Variants in PTPRJ observed in about 807,000 individuals in gnomAD.
PTPRJ encodes the protein receptor-type tyrosine-protein phosphatase eta.
PTPRJ carries 129 observed loss-of-function variants against 141.3 expected under a neutral mutation model. That is an observed-to-expected ratio of 0.91 (90% CI 0.79 to 1.06). The LOEUF is 1.06. Ranked by LOEUF, PTPRJ falls within the 50% of genes least tolerant of loss-of-function variation. PTPRJ has a pLI of 0.00. For missense variants in PTPRJ, 1,601 were observed against 1,679.7 expected, an observed-to-expected ratio of 0.95 and a Z score of 0.82; for synonymous variants, 610 against 640.5, an observed-to-expected ratio of 0.95 and a Z score of 0.72.
At chr11:48,124,015 C>G in intron 5 of PTPRJ, 145 bp downstream of exon 5, 1 of 933,698 alleles carries the variant, frequency 1.1e-6, no homozygotes, top group East Asian at 2.6e-5. Flanking sequence ...TTTGATCCCC[C>G]ACCTGCATGA....
In PTPRJ at chr11:48,121,182, C is replaced by T; in HGVS notation, c.532C>T (p.Pro178Ser). The T allele has an allele frequency of 6.2e-7, 1 of 1,614,064 alleles. No individual in the cohort carries two copies. Among genetic ancestry groups the T allele is most frequent in the Non-Finnish European group, 8.5e-7 (1 of 1,179,962 alleles). ...ATGGTGTAACATCACAGGCTTACGT[C>T]CAGCGACTTCATATGTATTCTCCAT... Reference protein sequence around the residue: ...QPWCNITGLRPATSYVFSITP... With the variant: ...QPWCNITGLRSATSYVFSITP... Residue 178 changes from proline (P) to serine (S), a missense_variant, in exon 4 of 25, where the codon CCA (proline) becomes TCA (serine). Transcript: ENST00000418331.
intron 11 of PTPRJ, 66 bp downstream of exon 11, chr11:48,139,842 T>A: frequency 6.5e-7 from 1 of 1,534,744 alleles, no homozygotes; most frequent in East Asian, 2.3e-5. Flanking sequence ...TGACCCACAG[T>A]GGGTCTGCAC....
At chr11:48,165,195 T>G (rs1022490337) in intron 24 of PTPRJ, among the ~76,000 whole-genome samples, 1 of 152,224 alleles carries the variant, frequency 6.6e-6, no homozygotes, top group African/African-American at 2.4e-5. Flanking sequence ...TCTGACCATC[T>G]TTAAAATAAG....
In PTPRJ at chr11:48,145,208, C is replaced by T. The variant is rs1464490492; in HGVS notation, c.2911+84C>T. On this transcript the variant is annotated intron_variant, in intron 14 of 24. Transcript: ENST00000418331. ...TAGAAGGCCAGCTGTGTACATGCCT[C>T]CCTCAGACCTTCAGGAGGGTTGGTG... 60 of 1,568,410 alleles carry T rather than the reference C, an allele frequency of 3.8e-5. 1 individual carries two copies. The Admixed American group carries it at 9.7e-4, about 25-fold the overall frequency.
At chr11:48,030,090 A>G (rs1422951520) in intron 1 of PTPRJ, among the ~76,000 whole-genome samples, 1 of 152,220 alleles carries the variant, frequency 6.6e-6, no homozygotes, top group Non-Finnish European at 1.5e-5. Flanking sequence ...AATGTAAAAC[A>G]GATTAATTTG....
At chr11:48,077,021 C>G (rs780537248) in intron 1 of PTPRJ, among the ~76,000 whole-genome samples, 3 of 152,138 alleles carry the variant, frequency 2.0e-5, no homozygotes, top group Non-Finnish European at 4.4e-5. Context: ...GCACGGGCCA[C>G]TATGCCCGGC....
At chr11:48,065,288 A>G (rs775249453) in intron 1 of PTPRJ, among the ~76,000 whole-genome samples, 1 of 152,046 alleles carries the variant, frequency 6.6e-6, no homozygotes, top group Non-Finnish European at 1.5e-5. Flanking sequence ...TGATGGGATT[A>G]CAGATGTGAG....
At chr11:48,053,113 A>G (rs866165129) in intron 1 of PTPRJ, among the ~76,000 whole-genome samples, 23 of 123,132 alleles carry the variant, frequency 1.9e-4, no homozygotes, top group African/African-American at 6.8e-4. Context: ...AATATATATA[A>G]AATATATTAT....
chr11:48,043,442 G>C (rs1854316343), intron 1 of PTPRJ, among the ~76,000 whole-genome samples: 1 of 152,094 alleles, frequency 6.6e-6, no homozygotes, highest in Non-Finnish European at 1.5e-5. Context: ...GAAGACCTAG[G>C]TAGAGCAAGA....
chr11:48,036,670 AT>A (rs1258551459), intron 1 of PTPRJ, among the ~76,000 whole-genome samples: 1 of 152,052 alleles, frequency 6.6e-6, no homozygotes, highest in Non-Finnish European at 1.5e-5. Context: ...CCTAGGAGAG[AT>A]TCCTAGAAAT....
At chr11:48,024,429 C>T (rs1853751570) in intron 1 of PTPRJ, among the ~76,000 whole-genome samples, 1 of 152,194 alleles carries the variant, frequency 6.6e-6, no homozygotes, top group Non-Finnish European at 1.5e-5. Context: ...AACTCCTGAC[C>T]TCAAGTGATC....
chr11:48,014,229 T>C (rs1854892605), intron 1 of PTPRJ, among the ~76,000 whole-genome samples: 1 of 152,172 alleles, frequency 6.6e-6, no homozygotes, highest in South Asian at 2.1e-4. Flanking sequence ...TCCTTCCTTC[T>C]GTGTGAGGAA....
chr11:48,092,436 T>A (rs929926308), intron 1 of PTPRJ, among the ~76,000 whole-genome samples: 1 of 151,944 alleles, frequency 6.6e-6, no homozygotes, highest in Admixed American at 6.6e-5. Flanking sequence ...AGTGTCTTTT[T>A]TCTTTTTTTT....
intron 1 of PTPRJ, among the ~76,000 whole-genome samples, chr11:48,071,473 C>T (rs902042718): frequency 4.0e-5 from 6 of 150,970 alleles, no homozygotes; most frequent in Admixed American, 2.6e-4. Context: ...CCTGCCACCA[C>T]GCCCGGCTAA....
chr11:48,111,096 G>A (rs949642240), intron 2 of PTPRJ, among the ~76,000 whole-genome samples: 16 of 151,930 alleles, frequency 1.1e-4, no homozygotes, highest in African/African-American at 3.9e-4. Flanking sequence ...GGCCAACATG[G>A]TGAAACACCA....
At position 48,084,996 on chromosome 11, in the gene PTPRJ, C is replaced by T. The variant is rs138868437; in HGVS notation, c.97-25062C>T. On this transcript the variant is annotated intron_variant, in intron 1 of 24. Coordinates refer to ENST00000418331, the MANE Select transcript of PTPRJ (RefSeq NM_002843.4). Reference sequence around the variant, plus strand: ...TATGAAAAGTTCACCGACACAGTTTCACATTCCACGATGCAGAGAAGTTTT... The same window carrying T: ...TATGAAAAGTTCACCGACACAGTTTTACATTCCACGATGCAGAGAAGTTTT... Among the ~76,000 whole-genome samples, 5 of 152,318 alleles carry T rather than the reference C, an allele frequency of 3.3e-5. No individual in the cohort carries two copies. The East Asian group carries it at 9.7e-4, about 29-fold the overall frequency.
chr11:48,148,897 T>C (rs1857413479), intron 15 of PTPRJ, among the ~76,000 whole-genome samples: 1 of 152,220 alleles, frequency 6.6e-6, no homozygotes, highest in South Asian at 2.1e-4. Flanking sequence ...TTCCTTAGGC[T>C]AAATTCCAAG....
chr11:48,064,173 G>C (rs1855015094), intron 1 of PTPRJ, among the ~76,000 whole-genome samples: 1 of 151,978 alleles, frequency 6.6e-6, no homozygotes. Flanking sequence ...CAAAGTACAC[G>C]GGCTCTTTTC....
At chr11:48,071,150 C>T (rs868657563) in intron 1 of PTPRJ, among the ~76,000 whole-genome samples, 78 of 152,290 alleles carry the variant, frequency 5.1e-4, no homozygotes, top group African/African-American at 1.8e-3. Flanking sequence ...CTCTCTAGTT[C>T]ACTTTTCTTC....
Sources: allele counts gnomAD v4.1 joint callset (sites outside exome capture counted in the v4.1 genomes callset), GRCh38; gene constraint gnomAD v4.1.1; transcripts MANE v1.5; gene names NCBI Gene and HGNC (gene_info 2026-07-23, HGNC 2026-07-21).